PTPN1: variants seen among roughly 807,000 people sequenced by gnomAD.
The protein encoded by PTPN1 is tyrosine-protein phosphatase non-receptor type 1.
In PTPN1, 12 loss-of-function variants were observed where a neutral mutation model predicts 59.9. The observed-to-expected ratio is 0.20, with a 90% CI of 0.13 to 0.32. The LOEUF (loss-of-function observed/expected upper bound fraction) is 0.32. PTPN1 is among the 10% of genes least tolerant of loss of function. PTPN1 has a pLI of 1.00. For missense variants in PTPN1, 356 were observed against 549.2 expected, an observed-to-expected ratio of 0.65 and a Z score of 3.52; for synonymous variants, 178 against 203.6, an observed-to-expected ratio of 0.87 and a Z score of 1.07.
rs1223105825 is a variant in PTPN1 at position 50,585,088 on chromosome 20, A to C, written c.*2373A>C. ...AACAGTGTTTTGAGTTGTAATCTCA[A>C]AACCATATCCCTTACCCAATTACCT... On this transcript the variant is annotated 3_prime_UTR_variant, in exon 10 of 10. Coordinates refer to ENST00000371621, the MANE Select transcript of PTPN1 (RefSeq NM_002827.4). 1 of 152,206 alleles carries C rather than the reference A, an allele frequency of 6.6e-6. No homozygotes were observed. The highest frequency in any genetic ancestry group is 2.4e-5 in the African/African-American group (1 of 41,450). The allele number at this position is 152,206 out of a possible 1,614,324, so 9.4% of individuals were successfully genotyped here. A position where few individuals can be genotyped will look rare whatever the true frequency, so the allele number is the denominator to read the frequency against.
At chr20:50,547,031 C>T (rs910543140) in intron 1 of PTPN1, among the ~76,000 whole-genome samples, 3 of 152,100 alleles carry the variant, frequency 2.0e-5, no homozygotes, top group African/African-American at 7.2e-5. Flanking sequence ...TTTTGTGGTT[C>T]TCAGCATTTT....
chr20:50,559,593 G>A (rs768582789), intron 1 of PTPN1, among the ~76,000 whole-genome samples: 3 of 151,890 alleles, frequency 2.0e-5, no homozygotes, highest in Middle Eastern at 3.4e-3. Flanking sequence ...ATTACTTCTT[G>A]ATGTTTTCTT....
At chr20:50,522,053 T>G (rs144436243) in intron 1 of PTPN1, among the ~76,000 whole-genome samples, 1 of 152,342 alleles carries the variant, frequency 6.6e-6, no homozygotes, top group African/African-American at 2.4e-5. Flanking sequence ...TATCGTTAGA[T>G]AAAATTGAAG....
At chr20:50,547,566 G>T (rs1177623333) in intron 1 of PTPN1, among the ~76,000 whole-genome samples, 1 of 152,102 alleles carries the variant, frequency 6.6e-6, no homozygotes, top group East Asian at 1.9e-4. Flanking sequence ...GTTTCACTAT[G>T]CTGGTCAGGC....
In PTPN1 at chr20:50,579,197, T is replaced by G; in HGVS notation, c.732T>G (p.Val244=). 9.3e-6 allele frequency: 15 copies of G among 1,614,196 alleles called. No homozygotes were observed. Among genetic ancestry groups the G allele is most frequent in the Non-Finnish European group, 9.3e-6 (11 of 1,179,996 alleles). Reference sequence around the variant, plus strand: ...ACAAGAGGAAAGACCCTTCTTCCGTTGATATCAAGAAAGTGCTGTTAGAAA... The same window carrying G: ...ACAAGAGGAAAGACCCTTCTTCCGTGGATATCAAGAAAGTGCTGTTAGAAA... The part of the protein sequence containing the change: ...LMDKRKDPSS[V]DIKKVLLEMR... The change falls in exon 7 of 10, where the codon GTT becomes GTG. Residue 244 remains valine, a synonymous_variant. Transcript: ENST00000371621.
intron 1 of PTPN1, among the ~76,000 whole-genome samples, chr20:50,544,337 G>A (rs1320704916): frequency 2.6e-5 from 4 of 151,300 alleles, no homozygotes; most frequent in Non-Finnish European, 4.4e-5. Flanking sequence ...TTTTATTTTT[G>A]TAGAGATGAG....
chr20:50,512,384 A>T (rs563929110), intron 1 of PTPN1, among the ~76,000 whole-genome samples: 1 of 152,334 alleles, frequency 6.6e-6, no homozygotes, highest in South Asian at 2.1e-4. Flanking sequence ...CTTAGTTCTT[A>T]GTTGAATTTT....
intron 1 of PTPN1, among the ~76,000 whole-genome samples, chr20:50,536,692 AT>A (rs1204536231): frequency 6.6e-6 from 1 of 152,100 alleles, no homozygotes; most frequent in African/African-American, 2.4e-5. Context: ...GTTTACCCAG[AT>A]TTTTTTAATT....
Position 50,585,072 on chromosome 20 carries a change from T to TTGAG in PTPN1, c.*2359_*2362dup, listed in dbSNP as rs1250445941. On this transcript the variant is annotated 3_prime_UTR_variant, in exon 10 of 10. Coordinates refer to ENST00000371621, the MANE Select transcript of PTPN1 (RefSeq NM_002827.4). ...CCAGTGTTGTTTGAAGAACAGTGTT[T>TTGAG]TGAGTTGTAATCTCAAAACCATATC... The TTGAG allele has an allele frequency of 2.0e-5, 3 of 152,202 alleles. No homozygotes were observed. The highest frequency in any genetic ancestry group is 7.2e-5 in the African/African-American group (3 of 41,464). 9.4% of individuals were successfully genotyped at this position (152,202 alleles called of 1,614,324 possible).
At chr20:50,569,026 C>T (rs893459803) in intron 4 of PTPN1, among the ~76,000 whole-genome samples, 6 of 152,168 alleles carry the variant, frequency 3.9e-5, no homozygotes, top group Non-Finnish European at 5.9e-5. Context: ...AAACACCCCT[C>T]GGGCTAGCGT....
At chr20:50,516,127 T>C (rs1020488133) in intron 1 of PTPN1, among the ~76,000 whole-genome samples, 1 of 152,226 alleles carries the variant, frequency 6.6e-6, no homozygotes, top group Non-Finnish European at 1.5e-5. Flanking sequence ...CTCACAAGCC[T>C]AGCGGGCCTT....
chr20:50,547,405 C>G (rs2082680354), intron 1 of PTPN1, among the ~76,000 whole-genome samples: 1 of 151,974 alleles, frequency 6.6e-6, no homozygotes, highest in Non-Finnish European at 1.5e-5. Context: ...GCTCTGTCAC[C>G]CAGGCTAGAG....
At chr20:50,542,483 C>T (rs2082657413) in intron 1 of PTPN1, among the ~76,000 whole-genome samples, 1 of 152,120 alleles carries the variant, frequency 6.6e-6, no homozygotes, top group African/African-American at 2.4e-5. Flanking sequence ...CTAGGGAAAG[C>T]TTTGTTTTCC....
chr20:50,578,675 C>A, intron 6 of PTPN1, 46 bp downstream of exon 6: 1 of 1,506,096 alleles, frequency 6.6e-7, no homozygotes, highest in Non-Finnish European at 9.1e-7. Flanking sequence ...TCTACCTGCT[C>A]TGCTGTGATG....
In PTPN1 at chr20:50,510,383, A is replaced by T. The variant is rs976215791; in HGVS notation, c.-145A>T. 4 of 828,610 alleles carry T rather than the reference A, an allele frequency of 4.8e-6. No individual in the cohort carries two copies. Among genetic ancestry groups the T allele is most frequent in the Non-Finnish European group, 7.5e-6 (4 of 534,592 alleles). The allele number at this position is 828,610 out of a possible 1,614,324, so 51.3% of individuals were successfully genotyped here. A position where few individuals can be genotyped will look rare whatever the true frequency, so the allele number is the denominator to read the frequency against. Reference sequence around the variant, plus strand: ...TGCGTAGTTCCGGCTGCCGGTTGACATGAAGAAGCAGCAGCGGCTAGGGCG... The same window carrying T: ...TGCGTAGTTCCGGCTGCCGGTTGACTTGAAGAAGCAGCAGCGGCTAGGGCG... On this transcript the variant is annotated 5_prime_UTR_variant, in exon 1 of 10. An upstream start codon of the reference 5' UTR is lost. Coordinates refer to ENST00000371621, the MANE Select transcript of PTPN1 (RefSeq NM_002827.4).
At position 50,582,611 on chromosome 20, in the gene PTPN1, G is replaced by T; in HGVS notation, c.1285-81G>T. On this transcript the variant is annotated intron_variant, in intron 9 of 9. Coordinates refer to ENST00000371621, the MANE Select transcript of PTPN1 (RefSeq NM_002827.4). This position sits in a 1 kb window ranked among gnomAD's most constrained non-coding sequence, Gnocchi z 4.2. ...CCCTCGGAGGTTGAAGTTGCCGGGG[G>T]GTGTGGCCGGGGTCATGCATGAGGC... 6.8e-7 allele frequency: 1 copy of T among 1,475,858 alleles called. No individual in the cohort carries two copies. The allele number at this position is 1,475,858 out of a possible 1,614,324, so 91.4% of individuals were successfully genotyped here.
At chr20:50,554,042 T>C (rs1399223599) in intron 1 of PTPN1, among the ~76,000 whole-genome samples, 2 of 152,168 alleles carry the variant, frequency 1.3e-5, no homozygotes, top group African/African-American at 2.4e-5. Context: ...TTTCCAGGTT[T>C]AATGAAAACT....
intron 1 of PTPN1, among the ~76,000 whole-genome samples, chr20:50,510,962 G>T (rs1181975281): frequency 6.6e-6 from 1 of 151,984 alleles, no homozygotes; most frequent in Non-Finnish European, 1.5e-5. Context: ...TCCTTTTCTG[G>T]AGTGGACCAC....
In PTPN1 at chr20:50,554,380, A is replaced by ATCTCTCTCTCTCTCTCTCTCTCTCTC. The variant is rs1555829975; in HGVS notation, c.64-6980_64-6955dup. On this transcript the variant is annotated intron_variant, in intron 1 of 9. Transcript: ENST00000371621. ...CCAGCCTAGGCAACAGCAAGACCAC[A>ATCTCTCTCTCTCTCTCTCTCTCTCTC]TCTCTCTCTCTCTCTCTCTCTCTCT... Among the ~76,000 whole-genome samples, 76 of 140,268 alleles carry ATCTCTCTCTCTCTCTCTCTCTCTCTC rather than the reference A, an allele frequency of 5.4e-4. 2 individuals are homozygous for ATCTCTCTCTCTCTCTCTCTCTCTCTC. Among genetic ancestry groups the ATCTCTCTCTCTCTCTCTCTCTCTCTC allele is most frequent in the African/African-American group, 2.0e-3 (74 of 37,246 alleles). 92.0% of individuals were successfully genotyped at this position (140,268 alleles called of 152,430 possible). A position where few individuals can be genotyped will look rare whatever the true frequency, so the allele number is the denominator to read the frequency against.
Sources: allele counts gnomAD v4.1 joint callset (sites outside exome capture counted in the v4.1 genomes callset), GRCh38; gene constraint gnomAD v4.1.1; non-coding constraint Gnocchi (gnomAD v3.1); transcripts MANE v1.5; gene names NCBI Gene and HGNC (gene_info 2026-07-23, HGNC 2026-07-21).